MMP16: variants seen among roughly 807,000 people sequenced by gnomAD.
MMP16 encodes the protein matrix metalloproteinase-16.
In MMP16, 12 loss-of-function variants were observed where a neutral mutation model predicts 67.8. The observed-to-expected ratio is 0.18, with a 90% confidence interval of 0.11 to 0.29. MMP16 has a LOEUF of 0.29. Ranked by LOEUF, MMP16 falls within the 10% of genes least tolerant of loss-of-function variation. The pLI is 1.00. For synonymous variants in MMP16, 249 were observed against 255.9 expected (o/e 0.97, Z 0.26); for missense variants, 475 against 765.7 (o/e 0.62, Z 4.48).
At chr8:88,217,467 AAG>A (rs1360947923) in intron 1 of MMP16, among the ~76,000 whole-genome samples, 1 of 152,120 alleles carries the variant, frequency 6.6e-6, no homozygotes, top group Non-Finnish European at 1.5e-5. Context: ...ATGACTTAAT[AAG>A]AATATCTGTA....
At chr8:88,229,733 T>C (rs1265279972) in intron 1 of MMP16, among the ~76,000 whole-genome samples, 2 of 151,990 alleles carry the variant, frequency 1.3e-5, no homozygotes, top group Non-Finnish European at 2.9e-5. Flanking sequence ...TTGAGAACAA[T>C]TCTGAAGTAG....
At chr8:88,162,581 A>C (rs933675066) in intron 4 of MMP16, among the ~76,000 whole-genome samples, 2 of 152,026 alleles carry the variant, frequency 1.3e-5, no homozygotes, top group African/African-American at 4.8e-5. Flanking sequence ...CAGTATTCCC[A>C]CAGTTGGTGG....
chr8:88,174,227 A>G (rs894294073), intron 3 of MMP16, among the ~76,000 whole-genome samples: 2 of 152,228 alleles, frequency 1.3e-5, no homozygotes, highest in African/African-American at 2.4e-5. Context: ...CTAATATATC[A>G]TAAATACTCA....
chr8:88,238,535 G>A (rs1417245688), intron 1 of MMP16, among the ~76,000 whole-genome samples: 2 of 151,800 alleles, frequency 1.3e-5, no homozygotes, highest in Non-Finnish European at 2.9e-5. Flanking sequence ...GGGCCCGGTG[G>A]CTTGTCTATA....
intron 4 of MMP16, among the ~76,000 whole-genome samples, chr8:88,155,060 A>T (rs575436932): frequency 2.7e-4 from 41 of 152,252 alleles, no homozygotes; most frequent in African/African-American, 8.9e-4. Flanking sequence ...TTGAAGGATG[A>T]GTATGTGAAA....
intron 4 of MMP16, among the ~76,000 whole-genome samples, chr8:88,155,020 C>A (rs1179226872): frequency 6.6e-6 from 1 of 151,908 alleles, no homozygotes; most frequent in Non-Finnish European, 1.5e-5. Flanking sequence ...TATCAAATAT[C>A]TGATAATAGC....
chr8:88,250,214 T>G (rs1377790204), intron 1 of MMP16, among the ~76,000 whole-genome samples: 1 of 152,056 alleles, frequency 6.6e-6, no homozygotes, highest in Admixed American at 6.6e-5. Flanking sequence ...TCCATTTGCA[T>G]GATCCAGCCA....
chr8:88,052,446 T>C (rs1378990152), intron 8 of MMP16, among the ~76,000 whole-genome samples: 1 of 152,112 alleles, frequency 6.6e-6, no homozygotes, highest in Admixed American at 6.6e-5. Context: ...TACCATCATG[T>C]CTTCCTGCAC....
intron 8 of MMP16, among the ~76,000 whole-genome samples, chr8:88,053,617 A>T (rs1808296400): frequency 6.6e-6 from 1 of 152,138 alleles, no homozygotes; most frequent in Non-Finnish European, 1.5e-5. Flanking sequence ...TAAAACATAA[A>T]TTCTCATATA....
At chr8:88,219,622 A>G (rs936281930) in intron 1 of MMP16, among the ~76,000 whole-genome samples, 12 of 152,156 alleles carry the variant, frequency 7.9e-5, no homozygotes, top group African/African-American at 2.9e-4. Flanking sequence ...ACCAACAGCC[A>G]TTTAAAAGTA....
chr8:88,040,985 A>G lies in MMP16; in HGVS notation c.*476T>C, dbSNP rs1808124391. On this transcript the variant is annotated 3_prime_UTR_variant, in exon 10 of 10. Transcript: ENST00000286614. ...AAGTTCAATTGTGGGTTTTTTGTTT[A>G]AACTCTTTTTTCCCTTTGTTTTAAA... 1 of 152,730 alleles carries G rather than the reference A, an allele frequency of 6.5e-6. No homozygotes were observed. The highest frequency in any genetic ancestry group is 1.5e-5 in the Non-Finnish European group (1 of 68,272). 9.5% of individuals were successfully genotyped at this position (152,730 alleles called of 1,614,324 possible). A position where few individuals can be genotyped will look rare whatever the true frequency, so the allele number is the denominator to read the frequency against.
chr8:88,218,655 A>G (rs2049073), intron 1 of MMP16, among the ~76,000 whole-genome samples: 107,182 of 151,832 alleles, frequency 0.71, 38,724 homozygotes, highest in East Asian at 0.98. Context: ...AATGAAATAA[A>G]CATTGGCATC....
intron 1 of MMP16, among the ~76,000 whole-genome samples, chr8:88,277,001 G>A (rs187456116): frequency 5.7e-4 from 87 of 152,128 alleles, no homozygotes; most frequent in South Asian, 2.9e-3. Flanking sequence ...GATTTTCACT[G>A]TAAAATGTTT....
chr8:88,168,030 G>C (rs1032632020), intron 3 of MMP16, 57 bp from the exon 4 acceptor site: 10 of 1,333,554 alleles, frequency 7.5e-6, no homozygotes, highest in Admixed American at 2.3e-5. Flanking sequence ...ACTTAGTACA[G>C]GTTTTGATCG....
chr8:88,238,760 T>G (rs1772815210), intron 1 of MMP16, among the ~76,000 whole-genome samples: 1 of 152,074 alleles, frequency 6.6e-6, no homozygotes, highest in Non-Finnish European at 1.5e-5. Context: ...TGTAATAACT[T>G]TGAGGCATAT....
intron 1 of MMP16, among the ~76,000 whole-genome samples, chr8:88,255,789 C>T (rs1810291963): frequency 6.6e-6 from 1 of 152,152 alleles, no homozygotes; most frequent in African/African-American, 2.4e-5. Context: ...TCCACACTGA[C>T]GAACTGCTGA....
intron 1 of MMP16, among the ~76,000 whole-genome samples, chr8:88,276,318 A>G (rs953333295): frequency 7.9e-5 from 12 of 152,130 alleles, no homozygotes; most frequent in Admixed American, 1.3e-4. Context: ...GTGCATGTGC[A>G]CGTGTTTTAA....
chr8:88,162,988 T>C (rs1353398541), intron 4 of MMP16, among the ~76,000 whole-genome samples: 1 of 152,090 alleles, frequency 6.6e-6, no homozygotes, highest in South Asian at 2.1e-4. Context: ...TACCTCTTTC[T>C]TTCCTCAAAT....
intron 7 of MMP16, among the ~76,000 whole-genome samples, chr8:88,065,272 T>C (rs962358762): frequency 6.6e-6 from 1 of 152,094 alleles, no homozygotes; most frequent in African/African-American, 2.4e-5. Flanking sequence ...AGTGATGTTA[T>C]AACAGTTTTT....
Sources: allele counts gnomAD v4.1 joint callset (sites outside exome capture counted in the v4.1 genomes callset), GRCh38; gene constraint gnomAD v4.1.1; transcripts MANE v1.5; gene names NCBI Gene and HGNC (gene_info 2026-07-23, HGNC 2026-07-21).